The following DTNA variants were observed in gnomAD, a reference collection of about 807,000 sequenced individuals.
DTNA encodes the protein dystrobrevin alpha.
A neutral mutation model predicts 100.7 loss-of-function variants in DTNA; 43 were observed. The observed-to-expected ratio is 0.43, with a 90% CI of 0.33 to 0.55. The LOEUF is 0.55. Ranked by LOEUF, DTNA falls within the 20% of genes least tolerant of loss-of-function variation. The probability of loss-of-function intolerance (pLI) is 0.04; values close to 1 mark genes in which losing one functional copy is unlikely to be tolerated. For synonymous variants in DTNA, 349 were observed against 347.9 expected (o/e 1.00, Z -0.04); for missense variants, 798 against 953.9 (o/e 0.84, Z 2.15).
At chr18:34,520,230 CTG>C (rs1418064029) in intron 1 of DTNA, among the ~76,000 whole-genome samples, 1 of 152,198 alleles carries the variant, frequency 6.6e-6, no homozygotes. Flanking sequence ...GTTTAGAAGA[CTG>C]TGTCCTTGGG....
intron 1 of DTNA, among the ~76,000 whole-genome samples, chr18:34,742,633 A>ATTATCTATCTAGATAGATAGATAATCTG: frequency 1.3e-5 from 2 of 152,124 alleles, no homozygotes; most frequent in Non-Finnish European, 2.9e-5. Flanking sequence ...ATTATCTTCT[A>ATTATCTATCTAGATAGATAGATAATCTG]TTATCTATCT....
chr18:34,791,347 T>C (rs748645100), intron 3 of DTNA, among the ~76,000 whole-genome samples: 1 of 152,060 alleles, frequency 6.6e-6, no homozygotes, highest in African/African-American at 2.4e-5. Context: ...TAGGTGAGGA[T>C]AGGTCACAGG....
chr18:34,817,488 G>C (rs1311884263), intron 7 of DTNA, among the ~76,000 whole-genome samples: 1 of 151,864 alleles, frequency 6.6e-6, no homozygotes, highest in Non-Finnish European at 1.5e-5. Flanking sequence ...ACCAAAGAAA[G>C]TTAACCGTCT....
intron 1 of DTNA, among the ~76,000 whole-genome samples, chr18:34,566,312 G>A (rs1286782938): frequency 6.6e-6 from 1 of 151,954 alleles, no homozygotes; most frequent in Non-Finnish European, 1.5e-5. Context: ...TGTCAGATTA[G>A]GTTAAGCTGA....
chr18:34,618,384 A>G (rs2055766972), intron 1 of DTNA, among the ~76,000 whole-genome samples: 1 of 152,180 alleles, frequency 6.6e-6, no homozygotes, highest in Non-Finnish European at 1.5e-5. Flanking sequence ...TCAGCAAATC[A>G]TTTTAAATCA....
At chr18:34,699,607 G>A (rs1363779589) in intron 1 of DTNA, among the ~76,000 whole-genome samples, 1 of 152,160 alleles carries the variant, frequency 6.6e-6, no homozygotes, top group Non-Finnish European at 1.5e-5. Flanking sequence ...ATGCCCCGCA[G>A]ACTTTCCCTT....
chr18:34,866,579 C>T (rs1041103456), intron 17 of DTNA: 141 of 1,012,190 alleles, frequency 1.4e-4, no homozygotes, highest in Admixed American at 1.5e-4. Flanking sequence ...GTATTCAGTT[C>T]GGTTTCATTT....
chr18:34,869,828 C>T (rs1317727221), intron 17 of DTNA, among the ~76,000 whole-genome samples: 8 of 152,110 alleles, frequency 5.3e-5, no homozygotes, highest in East Asian at 1.9e-4. Context: ...GAGACCATCC[C>T]GGCTAACACG....
intron 13 of DTNA, among the ~76,000 whole-genome samples, chr18:34,843,400 A>C (rs1197679581): frequency 6.6e-6 from 1 of 152,062 alleles, no homozygotes; most frequent in Non-Finnish European, 1.5e-5. Flanking sequence ...TCTTTGTATT[A>C]GTTTGCTAAG....
chr18:34,889,289 G>A lies in DTNA; in HGVS notation c.*1555G>A. On this transcript the variant is annotated 3_prime_UTR_variant, in exon 23 of 23. Coordinates refer to ENST00000444659, the MANE Select transcript of DTNA (RefSeq NM_001386795.1). ...AAGCAGCATCTGCAACACTTAGGAA[G>A]GTCTTCGAAATACTAATTTGTAAGC... 2.0e-6 allele frequency: 2 copies of A among 983,634 alleles called. No homozygotes were observed. The highest frequency in any genetic ancestry group is 3.5e-5 in the African/African-American group (2 of 57,286). 60.9% of individuals were successfully genotyped at this position (983,634 alleles called of 1,614,324 possible).
chr18:34,574,732 A>G (rs2047947571), intron 1 of DTNA, among the ~76,000 whole-genome samples: 1 of 152,128 alleles, frequency 6.6e-6, no homozygotes, highest in South Asian at 2.1e-4. Flanking sequence ...CTTGGGCTCA[A>G]GTGATCCTCC....
At chr18:34,881,371 T>A (rs1444753326) in intron 20 of DTNA, among the ~76,000 whole-genome samples, 1 of 150,166 alleles carries the variant, frequency 6.7e-6, no homozygotes, top group Admixed American at 6.7e-5. Flanking sequence ...GGAGACAGAG[T>A]CCCACATTAG....
intron 1 of DTNA, among the ~76,000 whole-genome samples, chr18:34,703,360 G>T (rs552358805): frequency 6.6e-6 from 1 of 152,066 alleles, no homozygotes; most frequent in African/African-American, 2.4e-5. Flanking sequence ...CTAATGTCTC[G>T]CCTGGCAAAA....
intron 1 of DTNA, among the ~76,000 whole-genome samples, chr18:34,639,127 C>T (rs1169846767): frequency 6.6e-6 from 1 of 152,206 alleles, no homozygotes; most frequent in Admixed American, 6.5e-5. Context: ...AGGCGTGAGC[C>T]ACTGCTCCTG....
intron 1 of DTNA, among the ~76,000 whole-genome samples, chr18:34,647,630 T>A (rs997983055): frequency 6.6e-5 from 10 of 152,182 alleles, no homozygotes; most frequent in Non-Finnish European, 1.3e-4. Context: ...CTCAGCTATT[T>A]TGGACTGGCT....
At chr18:34,554,412 T>C (rs2045801831) in intron 1 of DTNA, among the ~76,000 whole-genome samples, 1 of 149,448 alleles carries the variant, frequency 6.7e-6, no homozygotes. Context: ...CAACACTATG[T>C]TGAAAAGGAG....
intron 9 of DTNA, 107 bp downstream of exon 9, chr18:34,821,022 A>G: frequency 6.6e-7 from 1 of 1,525,132 alleles, no homozygotes; most frequent in Non-Finnish European, 9.0e-7. Flanking sequence ...AAGATTTTTA[A>G]TTTAGTTTAA....
intron 18 of DTNA, among the ~76,000 whole-genome samples, chr18:34,877,149 C>T (rs538886392): frequency 1.6e-4 from 25 of 152,318 alleles, no homozygotes; most frequent in Admixed American, 1.0e-3. Context: ...CCCTTTCTCA[C>T]GCTCTGGGGG....
intron 1 of DTNA, among the ~76,000 whole-genome samples, chr18:34,600,881 G>T (rs928483820): frequency 5.3e-5 from 8 of 152,160 alleles, no homozygotes; most frequent in Non-Finnish European, 8.8e-5. Flanking sequence ...TTAGCTGAAG[G>T]TTCTTCTCTA....
Sources: allele counts gnomAD v4.1 joint callset (sites outside exome capture counted in the v4.1 genomes callset), GRCh38; gene constraint gnomAD v4.1.1; transcripts MANE v1.5; gene names NCBI Gene and HGNC (gene_info 2026-07-23, HGNC 2026-07-21).